The following CNBD1 variants were observed in gnomAD, a reference collection of about 807,000 sequenced individuals.
CNBD1 encodes cyclic nucleotide-binding domain-containing protein 1.
CNBD1 carries 71 observed loss-of-function variants against 54.4 expected under a neutral mutation model. The ratio of observed to expected loss-of-function variants is 1.30; its 90% CI spans 1.08 to 1.59. The LOEUF is 1.59. Ranked by LOEUF, CNBD1 falls within the 40% of genes most tolerant of loss-of-function variation. CNBD1 has a pLI of 0.00. For synonymous variants in CNBD1, 182 were observed against 170.7 expected (o/e 1.07, Z -0.51); for missense variants, 659 against 518.0 (o/e 1.27, Z -2.64).
At chr8:86,898,632 T>C (rs1808882782) in intron 2 of CNBD1, among the ~76,000 whole-genome samples, 1 of 152,158 alleles carries the variant, frequency 6.6e-6, no homozygotes, top group Non-Finnish European at 1.5e-5. Flanking sequence ...TAAATATATG[T>C]GTCTAGGCAG....
At chr8:87,148,913 A>C in intron 4 of CNBD1, among the ~76,000 whole-genome samples, 1 of 152,184 alleles carries the variant, frequency 6.6e-6, no homozygotes, top group South Asian at 2.1e-4. Flanking sequence ...ACAAACAAAC[A>C]AACAAAAAAC....
At chr8:86,912,670 T>C (rs966202861) in intron 3 of CNBD1, among the ~76,000 whole-genome samples, 11 of 152,192 alleles carry the variant, frequency 7.2e-5, no homozygotes, top group African/African-American at 2.4e-4. Flanking sequence ...ACTATAACTT[T>C]TATTGTTATT....
At chr8:87,041,650 T>G (rs997419970) in intron 4 of CNBD1, among the ~76,000 whole-genome samples, 7 of 152,038 alleles carry the variant, frequency 4.6e-5, no homozygotes, top group African/African-American at 1.4e-4. Context: ...ATACAAAAAA[T>G]TAGCCGGGCA....
intron 4 of CNBD1, among the ~76,000 whole-genome samples, chr8:87,203,668 A>G (rs1813909684): frequency 6.6e-6 from 1 of 152,228 alleles, no homozygotes; most frequent in African/African-American, 2.4e-5. Context: ...GAAAAAACAG[A>G]AAGTTTCACT....
intron 8 of CNBD1, among the ~76,000 whole-genome samples, chr8:87,288,418 TATATTA>T (rs771876550): frequency 1.9e-4 from 29 of 152,150 alleles, no homozygotes; most frequent in African/African-American, 7.0e-4. Flanking sequence ...CATCTATCAT[TATATTA>T]ATATTTTTGA....
chr8:87,407,614 A>G (rs1398591148), intron 2 of CNBD1, among the ~76,000 whole-genome samples: 2 of 151,998 alleles, frequency 1.3e-5, no homozygotes, highest in African/African-American at 4.8e-5. Context: ...CACTTCAACC[A>G]TCTGTTTATA....
chr8:87,090,184 A>G (rs1161622167), intron 4 of CNBD1, among the ~76,000 whole-genome samples: 1 of 152,156 alleles, frequency 6.6e-6, no homozygotes, highest in African/African-American at 2.4e-5. Flanking sequence ...CTGTTTGTTC[A>G]TTCCTTCTGG....
rs548515430 is a variant in CNBD1, at chr8:86,971,696, G to A, written c.431+31942G>A. 6.5e-4 allele frequency among the ~76,000 whole-genome samples: 99 copies of A among 151,618 alleles called. 1 individual carries two copies. Among genetic ancestry groups the A allele is most frequent in the South Asian group, 1.2e-3 (6 of 4,808 alleles). ...TGAGGTAATTCCTAGTTTTTATATC[G>A]TTTTGTGAATATTTTGTGAATAGGA... is the stretch of plus-strand genomic sequence containing the variant. On this transcript the variant is annotated intron_variant, in intron 4 of 10. Coordinates refer to ENST00000518476, the MANE Select transcript of CNBD1 (RefSeq NM_173538.3).
intron 4 of CNBD1, among the ~76,000 whole-genome samples, chr8:87,006,194 C>A (rs1032793031): frequency 6.6e-6 from 1 of 152,030 alleles, no homozygotes; most frequent in African/African-American, 2.4e-5. Flanking sequence ...TTTACTTTTT[C>A]ACTCTAAATC....
At chr8:87,197,826 T>C (rs978711096) in intron 4 of CNBD1, among the ~76,000 whole-genome samples, 1 of 152,226 alleles carries the variant, frequency 6.6e-6, no homozygotes, top group African/African-American at 2.4e-5. Flanking sequence ...TTATCAGATA[T>C]TTTTATTGTC....
At chr8:87,152,268 T>G (rs2130749895) in intron 4 of CNBD1, among the ~76,000 whole-genome samples, 1 of 152,034 alleles carries the variant, frequency 6.6e-6, no homozygotes, top group East Asian at 1.9e-4. Flanking sequence ...AGGGCTTTGC[T>G]AAAGAGAAAG....
At chr8:87,050,448 G>A (rs1810288726) in intron 4 of CNBD1, among the ~76,000 whole-genome samples, 1 of 152,152 alleles carries the variant, frequency 6.6e-6, no homozygotes, top group Non-Finnish European at 1.5e-5. Context: ...AATATCATCA[G>A]CATTGTAAAA....
chr8:87,382,229 C>T (rs1000808053), intron 10 of CNBD1, among the ~76,000 whole-genome samples: 1 of 151,822 alleles, frequency 6.6e-6, no homozygotes, highest in African/African-American at 2.4e-5. Context: ...TTCTAGCTAA[C>T]TGGTTAGATA....
intron 10 of CNBD1, among the ~76,000 whole-genome samples, chr8:87,354,329 C>T (rs902188171): frequency 2.0e-5 from 3 of 152,030 alleles, no homozygotes; most frequent in Admixed American, 2.0e-4. Context: ...GGTAAGCATT[C>T]AGGGGTACTT....
intron 4 of CNBD1, among the ~76,000 whole-genome samples, chr8:87,171,590 A>G (rs1027209837): frequency 2.6e-5 from 4 of 151,258 alleles, no homozygotes; most frequent in African/African-American, 9.7e-5. Context: ...TAGTTCTTTA[A>G]GATACATCAC....
intron 2 of CNBD1, among the ~76,000 whole-genome samples, chr8:87,410,749 G>A (rs747926555): frequency 3.9e-5 from 6 of 152,076 alleles, no homozygotes; most frequent in Admixed American, 1.3e-4. Context: ...TTTGTGAAAG[G>A]AAGAGTCAGC....
chr8:86,926,634 T>C (rs1423537603), intron 3 of CNBD1, among the ~76,000 whole-genome samples: 2 of 151,908 alleles, frequency 1.3e-5, no homozygotes, highest in Non-Finnish European at 1.5e-5. Flanking sequence ...ATACTATCCC[T>C]GACTGGTTGG....
At chr8:86,876,570 T>C (rs1808524018) in intron 1 of CNBD1, among the ~76,000 whole-genome samples, 1 of 151,814 alleles carries the variant, frequency 6.6e-6, no homozygotes, top group Non-Finnish European at 1.5e-5. Flanking sequence ...TTGCTTTTCT[T>C]TGTTTTCTCC....
chr8:87,270,813 TC>T (rs2130857756), intron 6 of CNBD1, among the ~76,000 whole-genome samples: 1 of 151,980 alleles, frequency 6.6e-6, no homozygotes, highest in Non-Finnish European at 1.5e-5. Context: ...TTCTTATTCT[TC>T]ATTCTTTTTG....
Sources: gnomAD v4.1 joint callset for allele counts (sites outside exome capture counted in the v4.1 genomes callset) on GRCh38, gnomAD v4.1.1 for gene constraint, MANE v1.5 for transcripts, NCBI Gene and HGNC (gene_info 2026-07-23, HGNC 2026-07-21) for gene names.